Variants in ABL2 observed in about 807,000 individuals in gnomAD.
ABL2 encodes the protein ABL proto-oncogene 2, non-receptor tyrosine kinase, also known as tyrosine-protein kinase ABL2.
In ABL2, 49 loss-of-function variants were observed where a neutral mutation model predicts 107.7. The ratio of observed to expected loss-of-function variants is 0.45; its 90% confidence interval spans 0.36 to 0.58. The LOEUF is 0.58. Ranked by LOEUF, ABL2 falls within the 20% of genes least tolerant of loss-of-function variation. ABL2 has a pLI of 0.00. For synonymous variants in ABL2, 549 were observed against 548.6 expected (o/e 1.00, Z -0.01); for missense variants, 1,245 against 1,457.0 (o/e 0.85, Z 2.37).
At position 179,188,810 on chromosome 1, in the gene ABL2, CA is replaced by C. The variant is rs558676877; in HGVS notation, c.157+40430del. 3.2e-3 allele frequency among the ~76,000 whole-genome samples: 490 copies of C among 152,182 alleles called. 2 individuals are homozygous for C. Among genetic ancestry groups the C allele is most frequent in the Admixed American group, 7.1e-3 (108 of 15,286 alleles). On this transcript the variant is annotated intron_variant, in intron 1 of 11. Coordinates refer to ENST00000502732, the MANE Select transcript of ABL2 (RefSeq NM_007314.4). The stretch of plus-strand genomic sequence containing the variant: ...TGTCTGACTCTAGAATCCATGTTAT[CA>C]ACTTTAATTATTCATACACACCAAA...
intron 1 of ABL2, among the ~76,000 whole-genome samples, chr1:179,163,759 A>T (rs2102757905): frequency 6.6e-6 from 1 of 152,226 alleles, no homozygotes; most frequent in South Asian, 2.1e-4. Context: ...AAAAACAAAA[A>T]AAGAAAAGAA....
At chr1:179,118,194 C>A (rs970974397) in intron 7 of ABL2, among the ~76,000 whole-genome samples, 2 of 149,276 alleles carry the variant, frequency 1.3e-5, no homozygotes, top group Non-Finnish European at 3.0e-5. Context: ...GAAAAAGGAT[C>A]TTGGATACAG....
At chr1:179,196,364 C>G (rs1213272066) in intron 1 of ABL2, 1 of 152,162 alleles carries the variant, frequency 6.6e-6, no homozygotes, top group Admixed American at 6.5e-5. Context: ...AGTTTTAAAA[C>G]ATTTACAAGC....
At chr1:179,113,052 C>T (rs1414713429) in intron 9 of ABL2, among the ~76,000 whole-genome samples, 1 of 152,184 alleles carries the variant, frequency 6.6e-6, no homozygotes, top group Non-Finnish European at 1.5e-5. Context: ...CTGCACCCAG[C>T]CAAAGTGAGC....
intron 1 of ABL2, among the ~76,000 whole-genome samples, chr1:179,157,923 G>C (rs564966126): frequency 7.5e-4 from 114 of 152,290 alleles, no homozygotes; most frequent in African/African-American, 2.6e-3. Context: ...CACCAGGATA[G>C]CTGGGCCCAG....
intron 1 of ABL2, among the ~76,000 whole-genome samples, chr1:179,203,812 G>A (rs1661806459): frequency 6.6e-6 from 1 of 152,124 alleles, no homozygotes; most frequent in South Asian, 2.1e-4. Context: ...AGCATAGCCT[G>A]GTGGTTAAGG....
intron 1 of ABL2, among the ~76,000 whole-genome samples, chr1:179,213,628 T>C (rs1662405397): frequency 6.6e-6 from 1 of 152,056 alleles, no homozygotes; most frequent in Non-Finnish European, 1.5e-5. Context: ...ACAAAGGACA[T>C]TTCAAGTGCT....
At chr1:179,224,852 C>CAAA (rs34472235) in intron 1 of ABL2, among the ~76,000 whole-genome samples, 4 of 64,978 alleles carry the variant, frequency 6.2e-5, no homozygotes, top group Non-Finnish European at 1.3e-4. Flanking sequence ...TCCGTCTCTA[C>CAAA]AAAAAAAAAA....
intron 3 of ABL2, among the ~76,000 whole-genome samples, chr1:179,129,239 A>G (rs1291617327): frequency 2.0e-5 from 3 of 152,200 alleles, no homozygotes; most frequent in Non-Finnish European, 4.4e-5. Context: ...TTCTTTATCA[A>G]TGTTTCCTTG....
intron 1 of ABL2, among the ~76,000 whole-genome samples, chr1:179,198,172 CAAA>C (rs201688067): frequency 2.2e-4 from 14 of 63,554 alleles, no homozygotes; most frequent in Admixed American, 3.6e-4. Flanking sequence ...AACCCTGTGC[CAAA>C]AAAAAAAAAA....
At chr1:179,149,067 C>A (rs751973894) in intron 1 of ABL2, among the ~76,000 whole-genome samples, 1 of 152,190 alleles carries the variant, frequency 6.6e-6, no homozygotes, top group Non-Finnish European at 1.5e-5. Context: ...AAAACTACGT[C>A]TCTCGTACAA....
chr1:179,187,024 G>A (rs1217469955), intron 1 of ABL2, among the ~76,000 whole-genome samples: 2 of 152,128 alleles, frequency 1.3e-5, no homozygotes, highest in African/African-American at 2.4e-5. Flanking sequence ...GAGCCACCAC[G>A]CCCGGCCCCA....
intron 1 of ABL2, among the ~76,000 whole-genome samples, chr1:179,134,421 C>G (rs1181403309): frequency 6.6e-6 from 1 of 151,514 alleles, no homozygotes; most frequent in Non-Finnish European, 1.5e-5. Flanking sequence ...ATGGACTCGG[C>G]CATGGAGGCT....
In ABL2 at chr1:179,107,609, C is replaced by T; in HGVS notation, c.*109G>A. On this transcript the variant is annotated 3_prime_UTR_variant, in exon 12 of 12. Transcript: ENST00000502732. The stretch of plus-strand genomic sequence containing the variant: ...AGGGATCTGAGGTACTTCACATAAA[C>T]ACACTCAAGTATGAGTCTTTCATTT... 1 of 1,504,500 alleles carries T rather than the reference C, an allele frequency of 6.6e-7. No homozygotes were observed. Among genetic ancestry groups the T allele is most frequent in the South Asian group, 1.4e-5 (1 of 72,908 alleles). 93.2% of individuals were successfully genotyped at this position (1,504,500 alleles called of 1,614,324 possible).
chr1:179,208,871 C>A lies in ABL2; in HGVS notation c.157+20370G>T, dbSNP rs554270415. Among the ~76,000 whole-genome samples, 312 of 152,304 alleles carry A rather than the reference C, an allele frequency of 2.0e-3. 1 individual carries two copies. Among genetic ancestry groups the A allele is most frequent in the Non-Finnish European group, 3.0e-3 (203 of 68,024 alleles). The stretch of plus-strand genomic sequence containing the variant: ...GCCTTGTTCTGAAAACTGTTTTCAT[C>A]ATTTATCAGCTAAGAATTAAATGAG... On this transcript the variant is annotated intron_variant, in intron 1 of 11. Coordinates refer to ENST00000502732, the MANE Select transcript of ABL2 (RefSeq NM_007314.4).
intron 1 of ABL2, among the ~76,000 whole-genome samples, chr1:179,139,361 C>T (rs954222959): frequency 3.3e-5 from 5 of 152,136 alleles, no homozygotes; most frequent in East Asian, 1.9e-4. Flanking sequence ...CCTGAGCCAG[C>T]GAGACCACGA....
chr1:179,170,658 G>C (rs1390440665), intron 1 of ABL2, among the ~76,000 whole-genome samples: 2 of 152,076 alleles, frequency 1.3e-5, no homozygotes, highest in Non-Finnish European at 2.9e-5. Context: ...GCAGTGGCAC[G>C]ATCTCAGGTC....
At chr1:179,207,681 T>C (rs1662053161) in intron 1 of ABL2, among the ~76,000 whole-genome samples, 1 of 152,300 alleles carries the variant, frequency 6.6e-6, no homozygotes, top group South Asian at 2.1e-4. Context: ...AAGGGACACA[T>C]AGCGAATGAA....
chr1:179,103,772 G>C lies in ABL2; in HGVS notation c.*3946C>G, dbSNP rs1653294249. 4.4e-6 allele frequency: 1 copy of C among 229,576 alleles called. No homozygotes were observed. Among genetic ancestry groups the C allele is most frequent in the Non-Finnish European group, 8.7e-6 (1 of 115,510 alleles). The allele number at this position is 229,576 out of a possible 1,614,324, so 14.2% of individuals were successfully genotyped here. ...TTTGCAGTGTCTCACATGGCAGCAG[G>C]TATGGTGGAAAGACCCCACAACCAT... On this transcript the variant is annotated 3_prime_UTR_variant, in exon 12 of 12. Coordinates refer to ENST00000502732, the MANE Select transcript of ABL2 (RefSeq NM_007314.4).
Sources: gnomAD v4.1 joint callset for allele counts (sites outside exome capture counted in the v4.1 genomes callset) on GRCh38, gnomAD v4.1.1 for gene constraint, MANE v1.5 for transcripts, NCBI Gene and HGNC (gene_info 2026-07-23, HGNC 2026-07-21) for gene names.